SLC24A2: variants seen among roughly 807,000 people sequenced by gnomAD.
SLC24A2 encodes the protein sodium/potassium/calcium exchanger 2.
In SLC24A2, 36 loss-of-function variants were observed where a neutral mutation model predicts 62.0. The observed-to-expected ratio is 0.58, with a 90% confidence interval of 0.44 to 0.77. The LOEUF is 0.77. Ranked by LOEUF, SLC24A2 falls within the 30% of genes least tolerant of loss-of-function variation. The probability of loss-of-function intolerance (pLI) is 0.00; values close to 1 mark genes in which losing one functional copy is unlikely to be tolerated. For synonymous variants in SLC24A2, 358 were observed against 294.0 expected, an observed-to-expected ratio of 1.22 and a Z score of -2.23; for missense variants, 846 against 817.9, an observed-to-expected ratio of 1.03 and a Z score of -0.42.
At chr9:20,045,489 T>C in the SLC24A2 span, among the ~76,000 whole-genome samples, 1 of 152,130 alleles carries the variant, frequency 6.6e-6, no homozygotes, top group East Asian at 1.9e-4. Context: ...TGGAGTGCGG[T>C]GGCACAATCT....
chr9:19,710,342 C>G (rs545749611), intron 2 of SLC24A2, among the ~76,000 whole-genome samples: 1 of 152,186 alleles, frequency 6.6e-6, no homozygotes, highest in East Asian at 1.9e-4. Flanking sequence ...TGCAGTGTCA[C>G]AAGTGCCATG....
At chr9:19,874,998 A>G in the SLC24A2 span, among the ~76,000 whole-genome samples, 2 of 120,718 alleles carry the variant, frequency 1.7e-5, no homozygotes, top group Admixed American at 7.5e-5. Context: ...CAGAATTACA[A>G]AAAAAAAAAA....
the SLC24A2 span, among the ~76,000 whole-genome samples, chr9:20,179,759 G>A: frequency 6.6e-6 from 1 of 152,162 alleles, no homozygotes; most frequent in Admixed American, 6.5e-5. Context: ...ATATGCTCTA[G>A]GACAGACTGA....
At chr9:19,517,013 T>C (rs1025796849) in intron 10 of SLC24A2, among the ~76,000 whole-genome samples, 2 of 152,260 alleles carry the variant, frequency 1.3e-5, no homozygotes, top group African/African-American at 2.4e-5. Context: ...GGCAGTATCT[T>C]ACATTTGTGA....
chr9:19,651,137 C>A (rs1818789892), intron 2 of SLC24A2, among the ~76,000 whole-genome samples: 1 of 152,152 alleles, frequency 6.6e-6, no homozygotes, highest in Non-Finnish European at 1.5e-5. Flanking sequence ...ACCTCATCTG[C>A]AGTTATCCTA....
chr9:19,628,046 G>GT (rs1437689998), intron 2 of SLC24A2, among the ~76,000 whole-genome samples: 1 of 152,186 alleles, frequency 6.6e-6, no homozygotes, highest in Non-Finnish European at 1.5e-5. Flanking sequence ...TATATGGAAT[G>GT]TATTAATATC....
chr9:19,790,530 CAAAAAA>C (rs3086381), upstream of SLC24A2, among the ~76,000 whole-genome samples: 7 of 122,450 alleles, frequency 5.7e-5, no homozygotes, highest in African/African-American at 9.7e-5. Context: ...ATTTGAGCAT[CAAAAAA>C]AAAAAAAAAA....
intron 2 of SLC24A2, among the ~76,000 whole-genome samples, chr9:19,682,013 T>G (rs1326625459): frequency 6.6e-6 from 1 of 152,184 alleles, no homozygotes; most frequent in Non-Finnish European, 1.5e-5. Flanking sequence ...TTGATCGTCC[T>G]TTCTTCTGTC....
At chr9:19,652,212 T>A (rs1330575249) in intron 2 of SLC24A2, among the ~76,000 whole-genome samples, 1 of 152,198 alleles carries the variant, frequency 6.6e-6, no homozygotes, top group Middle Eastern at 3.2e-3. Flanking sequence ...CTCTAGCTCC[T>A]GGCTTTTTGT....
chr9:20,086,450 C>G, the SLC24A2 span, among the ~76,000 whole-genome samples: 2 of 152,186 alleles, frequency 1.3e-5, no homozygotes, highest in African/African-American at 4.8e-5. Flanking sequence ...GGATTTCTGA[C>G]TAAGGAGCAA....
chr9:19,754,308 C>A (rs759974435), intron 2 of SLC24A2, among the ~76,000 whole-genome samples: 20 of 152,202 alleles, frequency 1.3e-4, no homozygotes, highest in Non-Finnish European at 2.5e-4. Flanking sequence ...TATCCTCCTT[C>A]CCCAAGGCAT....
chr9:19,801,218 A>C, the SLC24A2 span, among the ~76,000 whole-genome samples: 1 of 152,204 alleles, frequency 6.6e-6, no homozygotes, highest in Non-Finnish European at 1.5e-5. Context: ...CTCTATTAGA[A>C]GCCCTGGGTC....
At chr9:19,706,156 C>A (rs991585410) in intron 2 of SLC24A2, among the ~76,000 whole-genome samples, 1 of 151,450 alleles carries the variant, frequency 6.6e-6, no homozygotes, top group African/African-American at 2.4e-5. Flanking sequence ...GTTAGCTCTT[C>A]TTGTTGAATT....
chr9:19,865,126 A>T, the SLC24A2 span, among the ~76,000 whole-genome samples: 1 of 152,214 alleles, frequency 6.6e-6, no homozygotes, highest in Admixed American at 6.5e-5. Flanking sequence ...GACTTAACCG[A>T]ATGAATGAAA....
chr9:19,970,330 T>C, the SLC24A2 span, among the ~76,000 whole-genome samples: 1 of 152,222 alleles, frequency 6.6e-6, no homozygotes, highest in Non-Finnish European at 1.5e-5. Flanking sequence ...TTGTCTAAGA[T>C]GTCACCAAGT....
chr9:20,107,715 A>C, the SLC24A2 span, among the ~76,000 whole-genome samples: 15 of 152,136 alleles, frequency 9.9e-5, no homozygotes, highest in South Asian at 6.2e-4. Flanking sequence ...TAAAGACTTA[A>C]ATGTTAGACC....
chr9:19,948,580 G>A, the SLC24A2 span, among the ~76,000 whole-genome samples: 1 of 152,176 alleles, frequency 6.6e-6, no homozygotes, highest in Non-Finnish European at 1.5e-5. Flanking sequence ...CTAACGGGCC[G>A]GGCGCGGTGG....
At chr9:20,224,667 G>A in the SLC24A2 span, among the ~76,000 whole-genome samples, 1 of 151,850 alleles carries the variant, frequency 6.6e-6, no homozygotes, top group African/African-American at 2.4e-5. Flanking sequence ...AAGAGAAGAG[G>A]GGAGGGGAGG....
the SLC24A2 span, among the ~76,000 whole-genome samples, chr9:20,169,727 G>C: frequency 2.6e-5 from 4 of 151,442 alleles, no homozygotes; most frequent in African/African-American, 9.7e-5. Flanking sequence ...ATCCAAATGA[G>C]AAGAAACCAG....
Sources: allele counts gnomAD v4.1 joint callset (sites outside exome capture counted in the v4.1 genomes callset), GRCh38; gene constraint gnomAD v4.1.1; transcripts MANE v1.5; gene names NCBI Gene and HGNC (gene_info 2026-07-23, HGNC 2026-07-21).